Variants in FHIT observed in about 807,000 individuals in gnomAD.
The protein encoded by FHIT is fragile histidine triad diadenosine triphosphatase.
In FHIT, 19 loss-of-function variants were observed where a neutral mutation model predicts 17.9. The observed-to-expected ratio is 1.06, with a 90% CI of 0.74 to 1.56. The LOEUF (loss-of-function observed/expected upper bound fraction) is 1.56. Ranked by LOEUF, FHIT falls within the 40% of genes most tolerant of loss-of-function variation. The pLI is 0.00. For synonymous variants in FHIT, 81 were observed against 69.7 expected, an observed-to-expected ratio of 1.16 and a Z score of -0.81; for missense variants, 248 against 189.2, an observed-to-expected ratio of 1.31 and a Z score of -1.82.
At chr3:60,258,120 C>T (rs1706108237) in intron 5 of FHIT, among the ~76,000 whole-genome samples, 1 of 149,986 alleles carries the variant, frequency 6.7e-6, no homozygotes, top group Non-Finnish European at 1.5e-5. Context: ...ATTTTGTACA[C>T]ACTCCATCAT....
chr3:59,807,767 G>T (rs1478686924), intron 8 of FHIT, among the ~76,000 whole-genome samples: 1 of 152,136 alleles, frequency 6.6e-6, no homozygotes. Flanking sequence ...TGGAGATATG[G>T]GGTGGGGGTG....
intron 3 of FHIT, among the ~76,000 whole-genome samples, chr3:60,869,264 A>C (rs1303924393): frequency 8.5e-5 from 13 of 152,178 alleles, no homozygotes; most frequent in Non-Finnish European, 4.4e-5. Context: ...TGTATTAGTA[A>C]GTCTCTTCAG....
At chr3:59,880,516 A>T (rs541443883) in intron 8 of FHIT, among the ~76,000 whole-genome samples, 1 of 152,270 alleles carries the variant, frequency 6.6e-6, no homozygotes, top group African/African-American at 2.4e-5. Flanking sequence ...GGGCTCTGGG[A>T]TACAGGACTG....
intron 5 of FHIT, among the ~76,000 whole-genome samples, chr3:60,499,768 G>A (rs917365260): frequency 1.2e-4 from 19 of 152,096 alleles, no homozygotes; most frequent in African/African-American, 4.6e-4. Flanking sequence ...GGACTTGGCT[G>A]CCCATTGTCC....
At chr3:59,931,301 T>G (rs988048581) in intron 7 of FHIT, among the ~76,000 whole-genome samples, 5 of 152,204 alleles carry the variant, frequency 3.3e-5, no homozygotes, top group African/African-American at 4.8e-5. Flanking sequence ...GTGTTCTACA[T>G]GGCTGGATTT....
intron 5 of FHIT, among the ~76,000 whole-genome samples, chr3:60,061,849 C>A (rs67030566): frequency 1.3e-5 from 2 of 151,734 alleles, no homozygotes; most frequent in East Asian, 3.9e-4. Context: ...ATTTATGACA[C>A]GAGAGATGAA....
intron 7 of FHIT, among the ~76,000 whole-genome samples, chr3:59,943,944 C>A (rs950740761): frequency 1.9e-4 from 29 of 152,218 alleles, no homozygotes; most frequent in Non-Finnish European, 4.4e-5. Flanking sequence ...CACAACACCA[C>A]TGTCTACATC....
At chr3:60,711,210 G>A (rs2041521268) in intron 4 of FHIT, among the ~76,000 whole-genome samples, 1 of 152,082 alleles carries the variant, frequency 6.6e-6, no homozygotes, top group South Asian at 2.1e-4. Flanking sequence ...TGCAGCTGAG[G>A]GTCCTGTCTG....
intron 5 of FHIT, among the ~76,000 whole-genome samples, chr3:60,110,547 A>C (rs1233550773): frequency 6.6e-6 from 1 of 152,202 alleles, no homozygotes. Context: ...AGTTTACGTA[A>C]GTTCAAATTC....
intron 5 of FHIT, among the ~76,000 whole-genome samples, chr3:60,272,944 C>T (rs1706938277): frequency 6.6e-6 from 1 of 152,218 alleles, no homozygotes; most frequent in East Asian, 1.9e-4. Flanking sequence ...ATCAAATTAA[C>T]GTATGTCTAA....
intron 5 of FHIT, among the ~76,000 whole-genome samples, chr3:60,438,008 T>C (rs1038195923): frequency 6.6e-6 from 1 of 152,130 alleles, no homozygotes; most frequent in African/African-American, 2.4e-5. Context: ...AACTTTCATA[T>C]AGTCATATTA....
chr3:60,082,297 CATG>C (rs1159060319), intron 5 of FHIT, among the ~76,000 whole-genome samples: 1 of 136,076 alleles, frequency 7.3e-6, no homozygotes, highest in African/African-American at 3.0e-5. Flanking sequence ...CTGCAACAGA[CATG>C]ATTTCATTCT....
At chr3:60,250,589 G>A (rs1705652350) in intron 5 of FHIT, among the ~76,000 whole-genome samples, 3 of 152,150 alleles carry the variant, frequency 2.0e-5, no homozygotes, top group South Asian at 4.1e-4. Flanking sequence ...AGAATTTCCA[G>A]GGCATGGGGC....
chr3:59,929,150 T>C lies in FHIT; in HGVS notation c.280-6736A>G, dbSNP rs557036540. 3.3e-5 allele frequency among the ~76,000 whole-genome samples: 5 copies of C among 152,006 alleles called. No homozygotes were observed. The East Asian group carries it at 9.7e-4, about 29-fold the overall frequency. On this transcript the variant is annotated intron_variant, in intron 7 of 9. Transcript: ENST00000492590. The stretch of plus-strand genomic sequence containing the variant: ...GTTCCCCAAAAGGTTAACAATAATG[T>C]TACCATATGACCCATGCACTGTTTC...
chr3:60,553,304 A>G, intron 4 of FHIT: 1 of 507,416 alleles, frequency 2.0e-6, no homozygotes, highest in Non-Finnish European at 2.5e-6. Flanking sequence ...TGTTTTGGTT[A>G]AAGTTGTAGT....
At chr3:60,153,822 G>T (rs566990848) in intron 5 of FHIT, among the ~76,000 whole-genome samples, 4 of 152,248 alleles carry the variant, frequency 2.6e-5, no homozygotes, top group Admixed American at 2.6e-4. Flanking sequence ...TTCCAGCCCT[G>T]GCCAGGATTC....
chr3:60,235,722 C>T (rs144584477), intron 5 of FHIT, among the ~76,000 whole-genome samples: 16 of 152,218 alleles, frequency 1.1e-4, no homozygotes, highest in Admixed American at 6.5e-4. Context: ...GCTTGAAAAA[C>T]ATCACAACAG....
intron 4 of FHIT, among the ~76,000 whole-genome samples, chr3:60,646,476 C>G (rs2039860324): frequency 1.3e-5 from 2 of 152,214 alleles, no homozygotes; most frequent in South Asian, 4.2e-4. Context: ...CATTTTGGAT[C>G]TATTCACAAT....
At chr3:60,631,707 G>A (rs1316028194) in intron 4 of FHIT, among the ~76,000 whole-genome samples, 2 of 152,120 alleles carry the variant, frequency 1.3e-5, no homozygotes, top group African/African-American at 2.4e-5. Flanking sequence ...TCCATCCACC[G>A]CCACCATATG....
Sources: gnomAD v4.1 joint callset for allele counts (sites outside exome capture counted in the v4.1 genomes callset) on GRCh38, gnomAD v4.1.1 for gene constraint, MANE v1.5 for transcripts, NCBI Gene and HGNC (gene_info 2026-07-23, HGNC 2026-07-21) for gene names.